PGAP4: variants seen among roughly 807,000 people sequenced by gnomAD.
PGAP4 encodes the protein GPI-N-acetylgalactosamine transferase PGAP4.
PGAP4 carries 12 observed loss-of-function variants against 28.2 expected under a neutral mutation model. The ratio of observed to expected loss-of-function variants is 0.42; its 90% CI spans 0.27 to 0.69. PGAP4 has a LOEUF of 0.69. PGAP4 is among the 30% of genes least tolerant of loss of function. PGAP4 has a pLI of 0.22. For missense variants in PGAP4, 425 were observed against 513.5 expected, an observed-to-expected ratio of 0.83 and a Z score of 1.67; for synonymous variants, 205 against 211.8, an observed-to-expected ratio of 0.97 and a Z score of 0.28.
chr9:101,525,005 C>T (rs1448817358), intron 2 of PGAP4, among the ~76,000 whole-genome samples: 1 of 152,190 alleles, frequency 6.6e-6, no homozygotes, highest in East Asian at 1.9e-4. Flanking sequence ...TTGCTATCTC[C>T]AGTCCTTCGT....
At chr9:101,511,863 A>G (rs1826901304) in intron 2 of PGAP4, among the ~76,000 whole-genome samples, 1 of 152,098 alleles carries the variant, frequency 6.6e-6, no homozygotes, top group Admixed American at 6.6e-5. Context: ...TGTTTTCTGG[A>G]TGGGTCAGAC....
chr9:101,495,556 C>G (rs1014459852), intron 2 of PGAP4, among the ~76,000 whole-genome samples: 8 of 145,230 alleles, frequency 5.5e-5, no homozygotes, highest in African/African-American at 2.0e-4. Context: ...GATTTTGAAC[C>G]TAGGGAAACC....
intron 2 of PGAP4, among the ~76,000 whole-genome samples, chr9:101,496,345 G>A (rs1025248115): frequency 2.6e-5 from 4 of 151,466 alleles, no homozygotes; most frequent in Admixed American, 1.3e-4. Flanking sequence ...TGCAAATCAT[G>A]TGCAGCGAAG....
At chr9:101,532,661 G>A (rs1019757094) in intron 1 of PGAP4, 4 of 152,178 alleles carry the variant, frequency 2.6e-5, no homozygotes, top group East Asian at 1.9e-4. Flanking sequence ...TTTTCGGCAG[G>A]TGTGTCCCCA....
intron 2 of PGAP4, among the ~76,000 whole-genome samples, chr9:101,515,879 G>A (rs1826939794): frequency 6.6e-6 from 1 of 151,856 alleles, no homozygotes; most frequent in Admixed American, 6.6e-5. Flanking sequence ...TGCATAGTAG[G>A]GTGACTAGTT....
intron 2 of PGAP4, among the ~76,000 whole-genome samples, chr9:101,509,858 C>G (rs1034320057): frequency 6.8e-6 from 1 of 146,722 alleles, no homozygotes; most frequent in African/African-American, 2.4e-5. Context: ...GAAAGCCGTC[C>G]AGTCATGGCA....
At chr9:101,493,847 T>C (rs1826712966) in intron 2 of PGAP4, among the ~76,000 whole-genome samples, 1 of 152,112 alleles carries the variant, frequency 6.6e-6, no homozygotes, top group Admixed American at 6.6e-5. Flanking sequence ...ATAAGGCAGT[T>C]TTTGTTGGAG....
At chr9:101,508,952 CAG>C (rs1003873074) in intron 2 of PGAP4, among the ~76,000 whole-genome samples, 42 of 152,172 alleles carry the variant, frequency 2.8e-4, no homozygotes, top group African/African-American at 1.0e-3. Context: ...GAAATGGAAA[CAG>C]GCTTTTCAGT....
intron 2 of PGAP4, among the ~76,000 whole-genome samples, chr9:101,504,209 G>GTT (rs3081858): frequency 1.8e-4 from 4 of 22,712 alleles, no homozygotes; most frequent in Non-Finnish European, 2.4e-4. Flanking sequence ...GTGTGTGTTT[G>GTT]TTTTTTTTTT....
chr9:101,482,644 A>T (rs1283389205), intron 1 of PGAP4, among the ~76,000 whole-genome samples: 1 of 152,232 alleles, frequency 6.6e-6, no homozygotes, highest in Non-Finnish European at 1.5e-5. Context: ...TTCACAATCC[A>T]GTTCCAACTA....
At chr9:101,523,765 C>T (rs946273372) in intron 2 of PGAP4, among the ~76,000 whole-genome samples, 1 of 151,148 alleles carries the variant, frequency 6.6e-6, no homozygotes, top group Non-Finnish European at 1.5e-5. Flanking sequence ...GGTTTGGATC[C>T]ATTGCTGGTG....
At chr9:101,524,576 A>T (rs921460137) in intron 2 of PGAP4, among the ~76,000 whole-genome samples, 1 of 151,654 alleles carries the variant, frequency 6.6e-6, no homozygotes, top group South Asian at 2.1e-4. Flanking sequence ...TCCTCTGTCT[A>T]CTCTCCCGAT....
At chr9:101,508,020 T>C (rs749969895) in intron 2 of PGAP4, among the ~76,000 whole-genome samples, 70 of 152,128 alleles carry the variant, frequency 4.6e-4, no homozygotes, top group Non-Finnish European at 7.9e-4. Context: ...TTGTTACCCT[T>C]ATTTGATGAA....
chr9:101,508,385 T>C (rs1205620373), intron 2 of PGAP4, among the ~76,000 whole-genome samples: 2 of 152,126 alleles, frequency 1.3e-5, no homozygotes, highest in Admixed American at 1.3e-4. Context: ...TTTCTTCACA[T>C]CTGCAGGCAC....
At chr9:101,508,549 C>A (rs569758384) in intron 2 of PGAP4, among the ~76,000 whole-genome samples, 265 of 152,192 alleles carry the variant, frequency 1.7e-3, no homozygotes, top group African/African-American at 5.8e-3. Context: ...TATTACTCCA[C>A]CCTGTGAGGT....
intron 2 of PGAP4, among the ~76,000 whole-genome samples, chr9:101,495,844 C>G (rs991139316): frequency 1.3e-5 from 2 of 149,968 alleles, no homozygotes; most frequent in Admixed American, 6.7e-5. Context: ...GTAAAAAAAC[C>G]AAACCAAAAC....
Position 101,476,864 on chromosome 9 carries a change from G to A in PGAP4, c.229C>T (p.Leu77Phe). The change falls in exon 2 of 2, where the codon CTC becomes TTC. Residue 77 changes from leucine to phenylalanine, a missense_variant. By Grantham distance (22) the Leu-to-Phe change is conservative. Transcript: ENST00000374848. The surrounding 1 kb of genome is among the most constrained non-coding windows in gnomAD (Gnocchi z 7.0). ...QQSLKEGEAA[L>F]HYFEELPSAN... ...GAGGGAAGCTCCTCAAAATAGTGGA[G>A]GGCAGCCTCACCCTCTTTCAAGCTT... 2 of 1,610,970 alleles carry A rather than the reference G, an allele frequency of 1.2e-6. No individual in the cohort carries two copies. The highest frequency in any genetic ancestry group is 1.7e-6 in the Non-Finnish European group (2 of 1,178,438).
At chr9:101,480,225 C>G (rs985308201) in intron 1 of PGAP4, among the ~76,000 whole-genome samples, 3 of 152,102 alleles carry the variant, frequency 2.0e-5, no homozygotes, top group Non-Finnish European at 4.4e-5. Context: ...GTAATGATCC[C>G]CAAAATCTCA....
chr9:101,498,439 T>A (rs1351212641), intron 2 of PGAP4, among the ~76,000 whole-genome samples: 1 of 151,834 alleles, frequency 6.6e-6, no homozygotes, highest in African/African-American at 2.4e-5. Flanking sequence ...GTCCATGTTG[T>A]TAGTTACTGT....
Sources: gnomAD v4.1 joint callset for allele counts (sites outside exome capture counted in the v4.1 genomes callset) on GRCh38, gnomAD v4.1.1 for gene constraint, Gnocchi (gnomAD v3.1) non-coding constraint, MANE v1.5 for transcripts, NCBI Gene and HGNC (gene_info 2026-07-23, HGNC 2026-07-21) for gene names.